Variants in PRKG1 observed in about 807,000 individuals in gnomAD.
The protein encoded by PRKG1 is protein kinase cGMP-dependent 1, also known as cGMP-dependent protein kinase 1.
PRKG1 carries 35 observed loss-of-function variants against 88.1 expected under a neutral mutation model. The ratio of observed to expected loss-of-function variants is 0.40; its 90% CI spans 0.30 to 0.53. The LOEUF is 0.53. PRKG1 is among the 20% of genes least tolerant of loss of function. The pLI is 0.59. For missense variants in PRKG1, 540 were observed against 839.8 expected, an observed-to-expected ratio of 0.64 and a Z score of 4.41; for synonymous variants, 303 against 292.5, an observed-to-expected ratio of 1.04 and a Z score of -0.37.
At chr10:51,350,250 C>T (rs1842210629) in intron 2 of PRKG1, among the ~76,000 whole-genome samples, 1 of 152,154 alleles carries the variant, frequency 6.6e-6, no homozygotes, top group African/African-American at 2.4e-5. Flanking sequence ...ATAGACTGAC[C>T]TAATGACAAG....
chr10:52,024,066 A>T (rs1449603584), intron 5 of PRKG1, among the ~76,000 whole-genome samples: 1 of 152,140 alleles, frequency 6.6e-6, no homozygotes, highest in Non-Finnish European at 1.5e-5. Flanking sequence ...TAAGTCTTTA[A>T]TCCATCTTGA....
At position 51,255,340 on chromosome 10, in the gene PRKG1, C is replaced by A. The variant is rs61587640; in HGVS notation, c.478+102010C>A. 3.4e-3 allele frequency among the ~76,000 whole-genome samples: 510 copies of A among 152,180 alleles called. 5 individuals carry two copies. Among genetic ancestry groups the A allele is most frequent in the African/African-American group, 0.011 (441 of 41,552 alleles). The stretch of plus-strand genomic sequence containing the variant: ...GAAATCATTTAAACATGTAGAAACA[C>A]AGAATTTTAGAACTGCAAGGGCTTG... On this transcript the variant is annotated intron_variant, in intron 2 of 17. Coordinates refer to ENST00000373980, the MANE Select transcript of PRKG1 (RefSeq NM_006258.4).
chr10:51,005,914 T>G (rs1414042741), intron 1 of PRKG1, among the ~76,000 whole-genome samples: 1 of 152,180 alleles, frequency 6.6e-6, no homozygotes, highest in African/African-American at 2.4e-5. Flanking sequence ...TCAGGAATAA[T>G]GAGGGGATAA....
At chr10:51,457,578 A>G (rs1474920718) in intron 2 of PRKG1, among the ~76,000 whole-genome samples, 1 of 152,228 alleles carries the variant, frequency 6.6e-6, no homozygotes, top group Non-Finnish European at 1.5e-5. Flanking sequence ...TATTGAAATA[A>G]GATAAAATAC....
chr10:51,465,543 G>C (rs1454082035), intron 2 of PRKG1, among the ~76,000 whole-genome samples: 2 of 152,166 alleles, frequency 1.3e-5, no homozygotes, highest in Non-Finnish European at 2.9e-5. Flanking sequence ...GGCTGTGAGG[G>C]CTGAAGAAAC....
chr10:51,382,260 AAAG>A (rs1254150213), intron 2 of PRKG1, among the ~76,000 whole-genome samples: 1 of 152,200 alleles, frequency 6.6e-6, no homozygotes, highest in Non-Finnish European at 1.5e-5. Context: ...GGCTATTCTT[AAAG>A]TTTAGATAAG....
At chr10:52,287,715 A>T (rs1287492510) in intron 14 of PRKG1, among the ~76,000 whole-genome samples, 1 of 151,902 alleles carries the variant, frequency 6.6e-6, no homozygotes, top group Non-Finnish European at 1.5e-5. Flanking sequence ...AAAAAAAAAA[A>T]AAAAAATCAA....
chr10:51,016,673 C>CTTTTTTT lies in PRKG1; in HGVS notation c.266+25042_266+25048dup, dbSNP rs71029341. 2.7e-3 allele frequency among the ~76,000 whole-genome samples: 96 copies of CTTTTTTT among 35,182 alleles called. 24 individuals carry two copies. The highest frequency in any genetic ancestry group is 6.8e-3 in the African/African-American group (48 of 7,086). The allele number at this position is 35,182 out of a possible 152,430, so 23.1% of individuals were successfully genotyped here. ...AGTGAAGAAGGTATTATTATCCTTT[C>CTTTTTTT]TTTTTTTTTTTTTTTTTTTGGAATC... On this transcript the variant is annotated intron_variant, in intron 1 of 17. Transcript: ENST00000401604.
At chr10:52,065,884 A>C (rs1200947354) in intron 7 of PRKG1, among the ~76,000 whole-genome samples, 1 of 152,174 alleles carries the variant, frequency 6.6e-6, no homozygotes, top group Non-Finnish European at 1.5e-5. Context: ...CATTGGTCCA[A>C]GATTAAATAC....
At chr10:52,109,760 C>A (rs1461522803) in intron 7 of PRKG1, among the ~76,000 whole-genome samples, 1 of 151,506 alleles carries the variant, frequency 6.6e-6, no homozygotes. Context: ...CAGACTCCAT[C>A]TCAAAAAAAA....
chr10:51,756,063 G>C (rs1018381674), intron 3 of PRKG1, among the ~76,000 whole-genome samples: 18 of 152,184 alleles, frequency 1.2e-4, no homozygotes, highest in Non-Finnish European at 1.9e-4. Context: ...AACATATAAA[G>C]TATTTTAATT....
intron 10 of PRKG1, among the ~76,000 whole-genome samples, chr10:52,263,864 C>G (rs1841497542): frequency 6.6e-6 from 1 of 152,080 alleles, no homozygotes. Flanking sequence ...AACCACCATA[C>G]CTGGCCTGTC....
At chr10:51,218,551 TTATA>T (rs1838438469) in intron 2 of PRKG1, among the ~76,000 whole-genome samples, 1 of 134,372 alleles carries the variant, frequency 7.4e-6, no homozygotes, top group African/African-American at 2.8e-5. Context: ...TATTTGGCAT[TTATA>T]TATATGTATT....
chr10:52,132,752 A>T (rs1471920147), intron 7 of PRKG1, among the ~76,000 whole-genome samples: 2 of 152,084 alleles, frequency 1.3e-5, no homozygotes, highest in Non-Finnish European at 2.9e-5. Context: ...GTAAATTTTC[A>T]AGTATAGCTT....
At chr10:51,118,580 G>A (rs557742535) in intron 1 of PRKG1, among the ~76,000 whole-genome samples, 1 of 152,082 alleles carries the variant, frequency 6.6e-6, no homozygotes, top group South Asian at 2.1e-4. Flanking sequence ...GAATTTTCTC[G>A]ATAATTTCTA....
rs868443152 is a variant in PRKG1, at chr10:51,914,514, T to C, written c.762+6944T>C. On this transcript the variant is annotated intron_variant, in intron 5 of 17. Coordinates refer to ENST00000373980, the MANE Select transcript of PRKG1 (RefSeq NM_006258.4). ...TGTGAGTACCATTCCTTTATCTATG[T>C]GAAGAGAAGTGGGGCATGGATGCTA... Among the ~76,000 whole-genome samples, 211 of 152,308 alleles carry C rather than the reference T, an allele frequency of 1.4e-3. 1 individual carries two copies. The highest frequency in any genetic ancestry group is 5.0e-3 in the African/African-American group (207 of 41,568).
chr10:51,131,396 TA>T (rs1845563184), intron 1 of PRKG1, among the ~76,000 whole-genome samples: 1 of 152,224 alleles, frequency 6.6e-6, no homozygotes, highest in African/African-American at 2.4e-5. Flanking sequence ...ATAACTGTTT[TA>T]GTTAAAATAG....
chr10:51,519,619 A>G (rs902568728), intron 3 of PRKG1, among the ~76,000 whole-genome samples: 1 of 152,190 alleles, frequency 6.6e-6, no homozygotes, highest in Admixed American at 6.5e-5. Context: ...TGAGAGTAGA[A>G]TGCTGCTCAT....
At chr10:51,467,654 C>T in intron 2 of PRKG1, 69 bp from the exon 3 acceptor site, 5 of 1,292,830 alleles carry the variant, frequency 3.9e-6, no homozygotes, top group Non-Finnish European at 5.6e-6. Flanking sequence ...CTCCTCTTCA[C>T]ATTAAAAATG....
Sources: allele counts gnomAD v4.1 joint callset (sites outside exome capture counted in the v4.1 genomes callset), GRCh38; gene constraint gnomAD v4.1.1; transcripts MANE v1.5; gene names NCBI Gene and HGNC (gene_info 2026-07-23, HGNC 2026-07-21).